The following PTPN5 variants were observed in gnomAD, a reference collection of about 807,000 sequenced individuals.
PTPN5 encodes the protein protein tyrosine phosphatase non-receptor type 5, also known as tyrosine-protein phosphatase non-receptor type 5.
PTPN5 carries 29 observed loss-of-function variants against 73.9 expected under a neutral mutation model. The ratio of observed to expected loss-of-function variants is 0.39; its 90% CI spans 0.29 to 0.54. The LOEUF (loss-of-function observed/expected upper bound fraction) is 0.54. Ranked by LOEUF, PTPN5 falls within the 20% of genes least tolerant of loss-of-function variation. PTPN5 has a pLI of 0.65. For missense variants in PTPN5, 652 were observed against 751.4 expected (o/e 0.87, Z 1.55); for synonymous variants, 267 against 304.7 (o/e 0.88, Z 1.29).
chr11:18,774,958 C>T (rs142327334), intron 1 of PTPN5, among the ~76,000 whole-genome samples: 12 of 152,196 alleles, frequency 7.9e-5, no homozygotes, highest in African/African-American at 2.7e-4. Flanking sequence ...AGCTCCCGAC[C>T]GAAGAGGATA....
At chr11:18,773,721 T>C (rs1851018006) in intron 1 of PTPN5, among the ~76,000 whole-genome samples, 1 of 152,122 alleles carries the variant, frequency 6.6e-6, no homozygotes, top group Admixed American at 6.5e-5. Flanking sequence ...ATACCTGATA[T>C]TAAGGATTAA....
At chr11:18,792,715 C>T (rs1385043061), upstream of PTPN5, 1 of 152,470 alleles carries the variant, frequency 6.6e-6, no homozygotes, top group African/African-American at 2.4e-5. Context: ...CGAGCCACCA[C>T]GTAGCTACCA....
intron 1 of PTPN5, among the ~76,000 whole-genome samples, chr11:18,791,027 G>C (rs1851895259): frequency 6.6e-6 from 1 of 152,148 alleles, no homozygotes; most frequent in African/African-American, 2.4e-5. Context: ...GGAGGGGAGC[G>C]CGCTAAGCTT....
chr11:18,740,950 G>A (rs184233365), intron 7 of PTPN5, among the ~76,000 whole-genome samples, 158 bp from the exon 8 acceptor site: 1 of 152,152 alleles, frequency 6.6e-6, no homozygotes, highest in Admixed American at 6.5e-5. Context: ...CCCTGACAAA[G>A]AAGCGTGAAT....
At chr11:18,735,683 T>C (rs1303493826) in intron 9 of PTPN5, among the ~76,000 whole-genome samples, 1 of 150,434 alleles carries the variant, frequency 6.6e-6, no homozygotes, top group African/African-American at 2.5e-5. Flanking sequence ...AGAAATTGCT[T>C]GAACCCAGGA....
At chr11:18,761,532 G>GA (rs1850390179) in intron 3 of PTPN5, among the ~76,000 whole-genome samples, 1 of 152,096 alleles carries the variant, frequency 6.6e-6, no homozygotes, top group Non-Finnish European at 1.5e-5. Context: ...GTGACCACAT[G>GA]AAAAAGGGTG....
Position 18,742,925 on chromosome 11 carries a change from T to TATA in PTPN5, c.483+66_483+67insTAT, listed in dbSNP as rs1849436879. ...TCCAGCCTATAAGTCAGATGGGAGCTGGTAGAAATCCAGGCCTCAAGGTCA... is the reference window on the plus strand; with the variant it reads ...TCCAGCCTATAAGTCAGATGGGAGCTATAGGTAGAAATCCAGGCCTCAAGGTCA... On this transcript the variant is annotated intron_variant, in intron 6 of 14. Coordinates refer to ENST00000358540, the MANE Select transcript of PTPN5 (RefSeq NM_006906.2). This position sits in a 1 kb window ranked among gnomAD's most constrained non-coding sequence, Gnocchi z 4.1. The TATA allele has an allele frequency of 2.9e-6, 3 of 1,046,334 alleles. No individual in the cohort carries two copies. The African/African-American group carries it at 4.7e-5, about 17-fold the overall frequency. The allele number at this position is 1,046,334 out of a possible 1,614,324, so 64.8% of individuals were successfully genotyped here. A position where few individuals can be genotyped will look rare whatever the true frequency, so the allele number is the denominator to read the frequency against.
chr11:18,783,665 G>A (rs564232316), intron 1 of PTPN5, among the ~76,000 whole-genome samples: 1 of 152,224 alleles, frequency 6.6e-6, no homozygotes, highest in Non-Finnish European at 1.5e-5. Flanking sequence ...CTCAGTAAGA[G>A]TGAGTGCTTA....
In PTPN5 at chr11:18,743,033, G is replaced by A; in HGVS notation, c.442C>T (p.Leu148=). The change falls in exon 6 of 15, where the codon CTG becomes TTG. Residue 148 remains leucine, a synonymous_variant. Transcript: ENST00000358540. The part of the protein sequence containing the change: ...SGTWGVPSLL[L]VFLSVGLVLV... ...ACCAGGCCCACGGACAGAAAGACCAGCAGCAGACTGGGGACTCCCCACGTC... is the reference window on the plus strand; with the variant it reads ...ACCAGGCCCACGGACAGAAAGACCAACAGCAGACTGGGGACTCCCCACGTC... 3 of 1,551,912 alleles carry A rather than the reference G, an allele frequency of 1.9e-6. No homozygotes were observed. Among genetic ancestry groups the A allele is most frequent in the Non-Finnish European group, 2.6e-6 (3 of 1,147,050 alleles).
Position 18,733,211 on chromosome 11 carries a change from T to TGTAGGGCGCAATGTAG in PTPN5, c.1218+23_1218+24insCTACATTGCGCCCTAC. On this transcript the variant is annotated intron_variant, in intron 11 of 14. Coordinates refer to ENST00000358540, the MANE Select transcript of PTPN5 (RefSeq NM_006906.2). The surrounding 1 kb of genome is among the most constrained non-coding windows in gnomAD (Gnocchi z 4.3). The stretch of plus-strand genomic sequence containing the variant: ...TGTAGGGCGCAATGTAGCAGACACT[T>TGTAGGGCGCAATGTAG]AGAATGGGGACGGGGGTCCCTACCT... The TGTAGGGCGCAATGTAG allele has an allele frequency of 6.2e-7, 1 of 1,604,484 alleles. No individual in the cohort carries two copies. The highest frequency in any genetic ancestry group is 8.5e-7 in the Non-Finnish European group (1 of 1,172,260).
At chr11:18,785,777 C>A (rs1488442304) in intron 1 of PTPN5, among the ~76,000 whole-genome samples, 1 of 149,108 alleles carries the variant, frequency 6.7e-6, no homozygotes, top group African/African-American at 2.4e-5. Context: ...ATGACTCCAA[C>A]CAACTACCTC....
At chr11:18,775,585 A>T (rs557069242) in intron 1 of PTPN5, among the ~76,000 whole-genome samples, 1 of 152,210 alleles carries the variant, frequency 6.6e-6, no homozygotes, top group East Asian at 1.9e-4. Context: ...GGAGTTTGGG[A>T]GGCTGGCTTG....
intron 2 of PTPN5, among the ~76,000 whole-genome samples, chr11:18,768,861 G>T (rs763482362): frequency 3.3e-5 from 5 of 152,116 alleles, no homozygotes; most frequent in African/African-American, 1.2e-4. Context: ...GTCTCTGGGC[G>T]CTGCCTTCCT....
chr11:18,738,015 T>C lies in PTPN5; in HGVS notation c.916-51A>G, dbSNP rs986828368. The stretch of plus-strand genomic sequence containing the variant: ...AGCAGCTATGGGCCCTCACAGATGT[T>C]TGAATCCAGGGGCTGCTGTGCCCCC... On this transcript the variant is annotated intron_variant, in intron 8 of 14. Transcript: ENST00000358540. 4.0e-6 allele frequency: 6 copies of C among 1,500,322 alleles called. No individual in the cohort carries two copies. The African/African-American group carries it at 6.9e-5, about 17-fold the overall frequency. 92.9% of individuals were successfully genotyped at this position (1,500,322 alleles called of 1,614,324 possible).
intron 8 of PTPN5, among the ~76,000 whole-genome samples, chr11:18,739,950 T>C (rs566498358): frequency 6.6e-6 from 1 of 152,298 alleles, no homozygotes; most frequent in South Asian, 2.1e-4. Flanking sequence ...GGTCTCAGTA[T>C]CGGGAGGCTC....
chr11:18,739,520 G>T lies in PTPN5; in HGVS notation c.915+1083C>A, dbSNP rs147901412. On this transcript the variant is annotated intron_variant, in intron 8 of 14. Coordinates refer to ENST00000358540, the MANE Select transcript of PTPN5 (RefSeq NM_006906.2). ...GAAAAGGAGGCTGGGGCCACACGAGGTAAGGGGTGCTGATGGTGTATGCAG... is the reference window on the plus strand; with the variant it reads ...GAAAAGGAGGCTGGGGCCACACGAGTTAAGGGGTGCTGATGGTGTATGCAG... Among the ~76,000 whole-genome samples, 461 of 152,346 alleles carry T rather than the reference G, an allele frequency of 3.0e-3. 1 individual carries two copies. Among genetic ancestry groups the T allele is most frequent in the Middle Eastern group, 0.024 (7 of 294 alleles).
chr11:18,739,261 A>C (rs2134211510), intron 8 of PTPN5, among the ~76,000 whole-genome samples: 1 of 152,316 alleles, frequency 6.6e-6, no homozygotes, highest in South Asian at 2.1e-4. Context: ...TCCTCAACAA[A>C]GACCCACCGG....
chr11:18,785,487 T>A (rs1564935674), intron 1 of PTPN5, among the ~76,000 whole-genome samples: 1 of 152,210 alleles, frequency 6.6e-6, no homozygotes, highest in Non-Finnish European at 1.5e-5. Context: ...ATAGGGCATA[T>A]AAAATGATGG....
chr11:18,767,259 T>C (rs972792305), intron 2 of PTPN5, among the ~76,000 whole-genome samples: 25 of 152,074 alleles, frequency 1.6e-4, no homozygotes, highest in Admixed American at 1.6e-3. Flanking sequence ...GGCAGAGAGG[T>C]CAGGTTCAGG....
Sources: gnomAD v4.1 joint callset for allele counts (sites outside exome capture counted in the v4.1 genomes callset) on GRCh38, gnomAD v4.1.1 for gene constraint, Gnocchi (gnomAD v3.1) non-coding constraint, MANE v1.5 for transcripts, NCBI Gene and HGNC (gene_info 2026-07-23, HGNC 2026-07-21) for gene names.